Variants in GARS1 observed in about 807,000 individuals in gnomAD.
GARS1 encodes the protein glycyl-tRNA synthetase 1, also known as glycine--tRNA ligase.
In GARS1, 46 loss-of-function variants were observed where a neutral mutation model predicts 86.4. That is an observed-to-expected ratio of 0.53 (90% CI 0.42 to 0.68). The LOEUF (loss-of-function observed/expected upper bound fraction) is 0.68, where lower values mean the gene tolerates loss of function less well. Among genes scored for constraint, GARS1 ranks in the 30% least tolerant of loss-of-function variants. The pLI, the probability that GARS1 is intolerant of heterozygous loss-of-function variation, is 0.00. For missense variants in GARS1, 797 were observed against 915.6 expected (o/e 0.87, Z 1.67); for synonymous variants, 342 against 329.8 (o/e 1.04, Z -0.40).
chr7:30,616,081 A>ACTT, intron 9 of GARS1, 23 bp downstream of exon 9: 1 of 1,613,860 alleles, frequency 6.2e-7, no homozygotes, highest in Non-Finnish European at 8.5e-7. Context: ...AGGTAACTTA[A>ACTT]CTTAGATTGT....
intron 6 of GARS1, among the ~76,000 whole-genome samples, chr7:30,609,115 G>T (rs1329397728): frequency 6.6e-6 from 1 of 152,124 alleles, no homozygotes; most frequent in Non-Finnish European, 1.5e-5. Flanking sequence ...ATATCTAATG[G>T]GAAAGGAAAG....
chr7:30,628,582 A>G lies in GARS1; in HGVS notation c.1722A>G (p.Val574=). The change falls in exon 14 of 17, where the codon GTA becomes GTG. Residue 574 remains valine (V), a synonymous_variant. Transcript: ENST00000389266. The part of the protein sequence containing the change: ...TLYVEEVVPN[V]IEPSFGLGRI... Reference sequence around the variant, plus strand: ...CAGTGGAAGAAGTTGTTCCGAATGTAATTGAACCTTCCTTCGGCCTGGGTA... The same window carrying G: ...CAGTGGAAGAAGTTGTTCCGAATGTGATTGAACCTTCCTTCGGCCTGGGTA... The G allele has an allele frequency of 6.2e-7, 1 of 1,612,194 alleles. No individual in the cohort carries two copies. Among genetic ancestry groups the G allele is most frequent in the Non-Finnish European group, 8.5e-7 (1 of 1,178,384 alleles).
At chr7:30,618,225 C>T (rs565746105) in intron 10 of GARS1, among the ~76,000 whole-genome samples, 2 of 152,202 alleles carry the variant, frequency 1.3e-5, no homozygotes, top group East Asian at 3.9e-4. Context: ...TGTCTCTTCT[C>T]TGTATTGAGC....
intron 10 of GARS1, among the ~76,000 whole-genome samples, chr7:30,621,085 A>T: frequency 7.0e-6 from 1 of 142,120 alleles, no homozygotes. Flanking sequence ...ATAGGGTCTC[A>T]CTGTGTTGCC....
intron 12 of GARS1, among the ~76,000 whole-genome samples, chr7:30,623,100 C>CAAAA (rs1266842929): frequency 1.8e-5 from 1 of 56,812 alleles, no homozygotes. Context: ...GACTCCGTCT[C>CAAAA]AAAAAAAAAA....
chr7:30,629,808 C>G (rs929617966), intron 14 of GARS1, among the ~76,000 whole-genome samples: 5 of 152,188 alleles, frequency 3.3e-5, no homozygotes, highest in African/African-American at 1.2e-4. Context: ...AAACATAAGG[C>G]TTGGTTCTTT....
At chr7:30,622,040 T>A (rs1239946489) in intron 11 of GARS1, 1 of 458,400 alleles carries the variant, frequency 2.2e-6, no homozygotes, top group Non-Finnish European at 4.0e-6. Context: ...TATCAGAAGT[T>A]CTTATGCTAT....
At chr7:30,601,878 A>G (rs985468545) in intron 4 of GARS1, among the ~76,000 whole-genome samples, 1 of 151,768 alleles carries the variant, frequency 6.6e-6, no homozygotes, top group Non-Finnish European at 1.5e-5. Context: ...TCCCAGGTTC[A>G]CGCCATTCTC....
chr7:30,609,617 T>A lies in GARS1; in HGVS notation c.768T>A (p.Asp256Glu). 3 of 1,613,420 alleles carry A rather than the reference T, an allele frequency of 1.9e-6. No homozygotes were observed. Among genetic ancestry groups the A allele is most frequent in the Non-Finnish European group, 2.5e-6 (3 of 1,179,480 alleles). Residue 256 changes from aspartate to glutamate, a missense_variant, in exon 7 of 17, where the codon GAT becomes GAA. Coordinates refer to ENST00000389266, the MANE Select transcript of GARS1 (RefSeq NM_002047.4). ...LDNYGQQELA[D>E]LFVNYNVKSP... ...ACTATGGACAGCAAGAACTTGCGGA[T>A]CTTTTTGTGAACTATAATGTAAAAT... is the stretch of plus-strand genomic sequence containing the variant.
chr7:30,633,616 CCCATG>C (rs2128136427), intron 16 of GARS1, 114 bp from the exon 17 acceptor site: 1 of 1,222,346 alleles, frequency 8.2e-7, no homozygotes, highest in Non-Finnish European at 1.2e-6. Flanking sequence ...AGAGCATGAA[CCCATG>C]CCTGGCATGA....
chr7:30,615,891 T>C lies in GARS1; in HGVS notation c.1032-5T>C, dbSNP rs1248815020. The C allele has an allele frequency of 6.2e-7, 1 of 1,614,180 alleles. No individual in the cohort carries two copies. The highest frequency in any genetic ancestry group is 8.5e-7 in the Non-Finnish European group (1 of 1,180,028). ...CAGGTTTATCGCTTACGTTTTTGCT[T>C]TCAGAGAATTCACAATGGCAGAAAT... is the stretch of plus-strand genomic sequence containing the variant. On this transcript the variant is annotated splice_region_variant and splice_polypyrimidine_tract_variant and intron_variant, in intron 8 of 16. Transcript: ENST00000389266.
chr7:30,615,853 G>A, intron 8 of GARS1, 43 bp from the exon 9 acceptor site: 2 of 1,603,828 alleles, frequency 1.2e-6, no homozygotes, highest in Non-Finnish European at 1.7e-6. Context: ...TTTGTTTTTT[G>A]TAGTTAAATA....
At chr7:30,616,344 A>G (rs1782889476) in intron 9 of GARS1, among the ~76,000 whole-genome samples, 1 of 152,248 alleles carries the variant, frequency 6.6e-6, no homozygotes, top group Non-Finnish European at 1.5e-5. Flanking sequence ...ATCTGACTCA[A>G]CAGTATGTAC....
At chr7:30,621,534 T>G (rs1783007188) in intron 11 of GARS1, 34 bp downstream of exon 11, 1 of 1,470,432 alleles carries the variant, frequency 6.8e-7, no homozygotes, top group Non-Finnish European at 9.5e-7. Flanking sequence ...AACTCAGGAT[T>G]CACATGTGAA....
At position 30,622,163 on chromosome 7, in the gene GARS1, G is replaced by C. The variant is rs147976593; in HGVS notation, c.1468-154G>C. ...AGTTGTCTGAATGATTTTGTGGACAGGTGTTTCATCTTGCCTTAAAATCAG... is the reference window on the plus strand; with the variant it reads ...AGTTGTCTGAATGATTTTGTGGACACGTGTTTCATCTTGCCTTAAAATCAG... On this transcript the variant is annotated intron_variant, in intron 11 of 16. Transcript: ENST00000389266. 3.6e-4 allele frequency: 288 copies of C among 798,052 alleles called. No homozygotes were observed. In the African/African-American group the frequency reaches 4.5e-3, roughly 13 times the overall value. 49.4% of individuals were successfully genotyped at this position (798,052 alleles called of 1,614,324 possible).
At position 30,628,632 on chromosome 7, in the gene GARS1, A is replaced by G. The variant is rs1230120568; in HGVS notation, c.1772A>G (p.His591Arg). Residue 591 changes from histidine (H) to arginine (R), a missense_variant, in exon 14 of 17, where the codon CAT becomes CGT. Around this residue, in one of 2 missense-constraint regions of GARS1, gnomAD observed 598 missense variants for 738.7 expected, o/e 0.81. Coordinates refer to ENST00000389266, the MANE Select transcript of GARS1 (RefSeq NM_002047.4). ...LGRIMYTVFEHTFHVREGDEQ... is the reference protein window; with the variant it reads ...LGRIMYTVFERTFHVREGDEQ... ...AGGATCATGTATACGGTATTTGAAC[A>G]TACATTCCATGTACGAGAAGGAGAT... The G allele has an allele frequency of 6.2e-7, 1 of 1,612,522 alleles. No individual in the cohort carries two copies. The highest frequency in any genetic ancestry group is 8.5e-7 in the Non-Finnish European group (1 of 1,178,716).
intron 6 of GARS1, among the ~76,000 whole-genome samples, chr7:30,605,650 A>G (rs893735864): frequency 1.3e-5 from 2 of 152,142 alleles, no homozygotes; most frequent in African/African-American, 4.8e-5. Context: ...CCAAAGTGCT[A>G]GGATTACACA....
At chr7:30,598,950 C>T (rs1791320019) in intron 2 of GARS1, 53 bp downstream of exon 2, 6 of 1,376,692 alleles carry the variant, frequency 4.4e-6, no homozygotes, top group Non-Finnish European at 5.2e-6. Context: ...GATTGTTCAT[C>T]TTTAATTTCT....
chr7:30,602,602 G>T (rs1240858374), intron 4 of GARS1, among the ~76,000 whole-genome samples: 1 of 152,178 alleles, frequency 6.6e-6, no homozygotes, highest in Non-Finnish European at 1.5e-5. Flanking sequence ...GTCAGTACAG[G>T]TTTCAGTGGC....
Sources: allele counts gnomAD v4.1 joint callset (sites outside exome capture counted in the v4.1 genomes callset), GRCh38; gene constraint gnomAD v4.1.1; regional missense constraint gnomAD v4.1.1; transcripts MANE v1.5; gene names NCBI Gene and HGNC (gene_info 2026-07-23, HGNC 2026-07-21).